LAMA2: variants seen among roughly 807,000 people sequenced by gnomAD.
The protein encoded by LAMA2 is laminin subunit alpha-2.
Under a neutral mutation model 364.8 loss-of-function variants are expected in LAMA2, and 269 were observed. The ratio of observed to expected loss-of-function variants is 0.74; its 90% confidence interval spans 0.67 to 0.82. The LOEUF is 0.82. Among genes scored for constraint, LAMA2 ranks in the 40% least tolerant of loss-of-function variants. The pLI is 0.00. For synonymous variants in LAMA2, 1,379 were observed against 1,370.6 expected (o/e 1.01, Z -0.14); for missense variants, 3,807 against 3,873.2 (o/e 0.98, Z 0.45).
intron 12 of LAMA2, among the ~76,000 whole-genome samples, chr6:129,226,815 G>C (rs1414365314): frequency 9.9e-5 from 15 of 152,082 alleles, no homozygotes; most frequent in Non-Finnish European, 7.4e-5. Context: ...GTGTCTTGAA[G>C]TTGCTCTTCT....
rs1032251508 is a variant in LAMA2 at position 129,050,098 on chromosome 6, T to G, written c.283+10T>G. On this transcript the variant is annotated intron_variant, in intron 2 of 64. Transcript: ENST00000421865. ...AGCAGCAATCCAAACCGTATGTATT[T>G]TAGTGTGTAGGTGTGTGGCGCTGGG... 6.2e-7 allele frequency: 1 copy of G among 1,614,062 alleles called. No homozygotes were observed. Among genetic ancestry groups the G allele is most frequent in the Non-Finnish European group, 8.5e-7 (1 of 1,179,960 alleles).
intron 4 of LAMA2, among the ~76,000 whole-genome samples, chr6:129,134,592 G>C (rs1583106467): frequency 6.6e-6 from 1 of 152,142 alleles, no homozygotes; most frequent in Non-Finnish European, 1.5e-5. Flanking sequence ...AGATGAAACT[G>C]TTTTACCTCA....
chr6:128,961,041 A>G (rs1166510260), intron 1 of LAMA2, among the ~76,000 whole-genome samples: 2 of 151,816 alleles, frequency 1.3e-5, no homozygotes, highest in Non-Finnish European at 2.9e-5. Context: ...TGAACAAGGT[A>G]TCATTTCATT....
intron 29 of LAMA2, among the ~76,000 whole-genome samples, chr6:129,334,902 A>C (rs1775861385): frequency 6.6e-6 from 1 of 152,124 alleles, no homozygotes. Context: ...TCCTATTACT[A>C]TCACACTGGG....
chr6:129,401,946 G>A (rs1028399626), intron 38 of LAMA2, among the ~76,000 whole-genome samples: 3 of 152,106 alleles, frequency 2.0e-5, no homozygotes, highest in Non-Finnish European at 2.9e-5. Flanking sequence ...GGTGGCTCAT[G>A]CCTGTAATCC....
At chr6:129,464,197 C>A in intron 49 of LAMA2, 93 bp from the exon 50 acceptor site, 1 of 1,102,944 alleles carries the variant, frequency 9.1e-7, no homozygotes, top group Non-Finnish European at 1.4e-6. Flanking sequence ...TGCCCTACAA[C>A]AGCCTATAGT....
chr6:129,317,675 C>T (rs1442402575), intron 27 of LAMA2, among the ~76,000 whole-genome samples: 1 of 152,078 alleles, frequency 6.6e-6, no homozygotes, highest in Non-Finnish European at 1.5e-5. Flanking sequence ...AATTAGGTGG[C>T]AGAAGCCATA....
intron 1 of LAMA2, among the ~76,000 whole-genome samples, chr6:129,013,482 A>T (rs904993750): frequency 6.6e-6 from 1 of 152,180 alleles, no homozygotes; most frequent in African/African-American, 2.4e-5. Context: ...ATGTGATAGC[A>T]AATGGCTAGA....
At chr6:129,308,746 G>C (rs1774032302) in intron 22 of LAMA2, among the ~76,000 whole-genome samples, 1 of 152,182 alleles carries the variant, frequency 6.6e-6, no homozygotes. Flanking sequence ...CACAGTTCTG[G>C]AGGGTGTACA....
intron 23 of LAMA2, among the ~76,000 whole-genome samples, chr6:129,313,907 C>A (rs550296543): frequency 1.3e-5 from 2 of 152,088 alleles, no homozygotes; most frequent in South Asian, 4.1e-4. Context: ...CAATTATGAT[C>A]ATATATTTAA....
chr6:129,325,558 C>A (rs897210968), intron 28 of LAMA2, among the ~76,000 whole-genome samples: 1 of 151,292 alleles, frequency 6.6e-6, no homozygotes, highest in Non-Finnish European at 1.5e-5. Flanking sequence ...AAAAACAGCA[C>A]GTTTTAAGTT....
In LAMA2 at chr6:128,883,302, C is replaced by T. The variant is rs771141152; in HGVS notation, c.57C>T (p.Gly19=). 3.1e-6 allele frequency: 5 copies of T among 1,592,466 alleles called. No homozygotes were observed. Among genetic ancestry groups the T allele is most frequent in the Non-Finnish European group, 3.4e-6 (4 of 1,169,704 alleles). The part of the protein sequence containing the change: ...LLLLLSGGLG[G]VQAQRPQQQR... ...TGCTGCTCTCCGGAGGCCTCGGGGGCGTACAGGCGCAGCGGCCGCAGCAGC... is the reference window on the plus strand; with the variant it reads ...TGCTGCTCTCCGGAGGCCTCGGGGGTGTACAGGCGCAGCGGCCGCAGCAGC... The change falls in exon 1 of 65, where the codon GGC becomes GGT. Residue 19 remains glycine, a synonymous_variant. Transcript: ENST00000421865.
intron 4 of LAMA2, among the ~76,000 whole-genome samples, chr6:129,103,458 C>T (rs145955287): frequency 5.7e-4 from 87 of 152,290 alleles, no homozygotes; most frequent in African/African-American, 1.9e-3. Context: ...ATCTAAACCA[C>T]AGACCTTATT....
At chr6:129,298,881 C>T (rs1773372911) in intron 21 of LAMA2, among the ~76,000 whole-genome samples, 1 of 151,960 alleles carries the variant, frequency 6.6e-6, no homozygotes, top group African/African-American at 2.4e-5. Flanking sequence ...AATTGTAGAT[C>T]CTCTAAGAAT....
chr6:129,176,311 A>T (rs1780584761), intron 9 of LAMA2, among the ~76,000 whole-genome samples: 1 of 151,924 alleles, frequency 6.6e-6, no homozygotes, highest in Non-Finnish European at 1.5e-5. Context: ...CATTTGATAC[A>T]CATCTAAAAG....
Position 129,043,098 on chromosome 6 carries a change from A to G in LAMA2, c.113-6820A>G, listed in dbSNP as rs532207142. On this transcript the variant is annotated intron_variant, in intron 1 of 64. Transcript: ENST00000421865. ...CCTGTTTTCTAAAAGGGTTGTGCTAATTTACATTCCCAACAGCAATGCAGC... is the reference window on the plus strand; with the variant it reads ...CCTGTTTTCTAAAAGGGTTGTGCTAGTTTACATTCCCAACAGCAATGCAGC... Among the ~76,000 whole-genome samples the G allele has an allele frequency of 4.9e-4, 74 of 152,286 alleles. 1 individual carries two copies. The highest frequency in any genetic ancestry group is 1.1e-3 in the Admixed American group (17 of 15,296).
Position 129,420,925 on chromosome 6 carries a change from T to G in LAMA2, c.5866-6827T>G, listed in dbSNP as rs74448599. On this transcript the variant is annotated intron_variant, in intron 40 of 64. Coordinates refer to ENST00000421865, the MANE Select transcript of LAMA2 (RefSeq NM_000426.4). ...CTTTTTTTATAAGTGACTATATTTG[T>G]TTGTCTTTCCTCTTCCCTCCACTCC... is the stretch of plus-strand genomic sequence containing the variant. 2.7e-3 allele frequency among the ~76,000 whole-genome samples: 415 copies of G among 152,278 alleles called. 3 individuals are homozygous for G. The highest frequency in any genetic ancestry group is 8.2e-3 in the African/African-American group (341 of 41,540).
chr6:129,238,939 G>C (rs887560263), intron 12 of LAMA2, among the ~76,000 whole-genome samples: 2 of 151,602 alleles, frequency 1.3e-5, no homozygotes, highest in African/African-American at 4.9e-5. Flanking sequence ...TAACATACCA[G>C]ATGTTTTTGT....
Position 129,260,782 on chromosome 6 carries a change from T to A in LAMA2, c.2168T>A (p.Val723Glu). ...GGAAGCATTGCAGCAGCTGTAGAAG[T>A]GTGTCAGTGCCCACCAGGGTATACT... is the stretch of plus-strand genomic sequence containing the variant. ...TDGSIAAAVE[V>E]CQCPPGYTGS... Residue 723 changes from valine (V) to glutamate (E), a missense_variant, in exon 15 of 65, where the codon GTG (valine) becomes GAG (glutamate). By Grantham distance (121) the Val-to-Glu change is moderately radical. Coordinates refer to ENST00000421865, the MANE Select transcript of LAMA2 (RefSeq NM_000426.4). 1 of 1,612,332 alleles carries A rather than the reference T, an allele frequency of 6.2e-7. No individual in the cohort carries two copies. Among genetic ancestry groups the A allele is most frequent in the Middle Eastern group, 1.7e-4 (1 of 6,050 alleles).
Sources: allele counts gnomAD v4.1 joint callset (sites outside exome capture counted in the v4.1 genomes callset), GRCh38; gene constraint gnomAD v4.1.1; transcripts MANE v1.5; gene names NCBI Gene and HGNC (gene_info 2026-07-23, HGNC 2026-07-21).